Variants in CAST observed in about 807,000 individuals in gnomAD.
The protein encoded by CAST is calpastatin.
CAST carries 76 observed loss-of-function variants against 119.6 expected under a neutral mutation model. The observed-to-expected ratio is 0.64, with a 90% CI of 0.53 to 0.77. The LOEUF is 0.77. Ranked by LOEUF, CAST falls within the 30% of genes least tolerant of loss-of-function variation. The probability of loss-of-function intolerance (pLI) is 0.00; values close to 1 mark genes in which losing one functional copy is unlikely to be tolerated. For synonymous variants in CAST, 319 were observed against 331.6 expected (o/e 0.96, Z 0.41); for missense variants, 953 against 946.5 (o/e 1.01, Z -0.09).
At chr5:96,032,200 C>T in the CAST span, among the ~76,000 whole-genome samples, 1 of 152,088 alleles carries the variant, frequency 6.6e-6, no homozygotes, top group African/African-American at 2.4e-5. Flanking sequence ...CACTGAGAGC[C>T]AGCCTGGAGA....
chr5:96,238,778 A>G, the CAST span, among the ~76,000 whole-genome samples: 1 of 152,140 alleles, frequency 6.6e-6, no homozygotes, highest in African/African-American at 2.4e-5. Context: ...CCACTATTGA[A>G]GAATATTAAA....
At chr5:96,350,568 T>C in the CAST span, among the ~76,000 whole-genome samples, 2 of 152,278 alleles carry the variant, frequency 1.3e-5, no homozygotes, top group African/African-American at 2.4e-5. Context: ...AAGGGACATA[T>C]GTAGCTTTTT....
chr5:96,686,179 T>C lies in CAST; in HGVS notation c.139-9657T>C, dbSNP rs74778690. ...ATCTTTTGATTATTCCTTTTTTTTT[T>C]CACTCTTTATTTCATGACTCCTCTT... On this transcript the variant is annotated intron_variant, in intron 2 of 31. Coordinates refer to ENST00000675179, the MANE Select transcript of CAST (RefSeq NM_001750.7). Among the ~76,000 whole-genome samples, 442 of 149,632 alleles carry C rather than the reference T, an allele frequency of 3.0e-3. 3 individuals are homozygous for C. The highest frequency in any genetic ancestry group is 0.011 in the African/African-American group (430 of 40,254).
rs138628673 is a variant in CAST at position 96,674,427 on chromosome 5, A to G, written c.76-1112A>G. Reference sequence around the variant, plus strand: ...TAATAGCATTTTATATTTTGATTCAATTGAGGATGATTAGGACTGAATCCA... The same window carrying G: ...TAATAGCATTTTATATTTTGATTCAGTTGAGGATGATTAGGACTGAATCCA... On this transcript the variant is annotated intron_variant, in intron 1 of 31. Coordinates refer to ENST00000675179, the MANE Select transcript of CAST (RefSeq NM_001750.7). Among the ~76,000 whole-genome samples, 329 of 152,108 alleles carry G rather than the reference A, an allele frequency of 2.2e-3. 2 individuals carry two copies. Among genetic ancestry groups the G allele is most frequent in the Middle Eastern group, 6.8e-3 (2 of 292 alleles).
intron 2 of CAST, among the ~76,000 whole-genome samples, chr5:96,684,565 CTT>C (rs553311999): frequency 1.5e-4 from 22 of 142,466 alleles, no homozygotes; most frequent in East Asian, 2.0e-4. Context: ...GCATCACTAT[CTT>C]TTTTTTTTTT....
At chr5:96,028,012 A>G in the CAST span, among the ~76,000 whole-genome samples, 1 of 152,150 alleles carries the variant, frequency 6.6e-6, no homozygotes, top group South Asian at 2.1e-4. Context: ...GAATATTGCT[A>G]GGAAAACACA....
At chr5:96,331,213 G>C in the CAST span, among the ~76,000 whole-genome samples, 1 of 152,134 alleles carries the variant, frequency 6.6e-6, no homozygotes, top group African/African-American at 2.4e-5. Flanking sequence ...GAGGACCAGG[G>C]GAAGAGACTA....
At chr5:95,986,943 C>A in the CAST span, among the ~76,000 whole-genome samples, 1 of 152,078 alleles carries the variant, frequency 6.6e-6, no homozygotes, top group Non-Finnish European at 1.5e-5. Flanking sequence ...TCCTAAGGAC[C>A]TTTGGAGTGG....
the CAST span, among the ~76,000 whole-genome samples, chr5:96,123,885 T>C: frequency 6.6e-6 from 1 of 152,152 alleles, no homozygotes; most frequent in African/African-American, 2.4e-5. Context: ...TGCTTAGATT[T>C]TTTTTCCCCC....
intron 1 of CAST, among the ~76,000 whole-genome samples, chr5:96,656,939 T>A (rs1000032317): frequency 4.8e-5 from 6 of 123,958 alleles, no homozygotes; most frequent in Non-Finnish European, 9.2e-5. Flanking sequence ...ACACTTTTTC[T>A]TAATTAAAAA....
At chr5:96,271,244 A>T in the CAST span, among the ~76,000 whole-genome samples, 6 of 152,302 alleles carry the variant, frequency 3.9e-5, no homozygotes, top group South Asian at 1.2e-3. Flanking sequence ...AATAGTAAAA[A>T]AACAGTTCTA....
chr5:96,548,689 A>T (rs554102149), intron 1 of CAST, among the ~76,000 whole-genome samples: 32 of 152,328 alleles, frequency 2.1e-4, no homozygotes, highest in South Asian at 6.2e-4. Context: ...ATTTTCAAGG[A>T]TGCTGGTACT....
At chr5:96,381,493 G>A in the CAST span, among the ~76,000 whole-genome samples, 2 of 152,142 alleles carry the variant, frequency 1.3e-5, no homozygotes, top group African/African-American at 4.8e-5. Context: ...CCCAAGCAAG[G>A]TAATGTATTC....
At chr5:96,203,648 A>G in the CAST span, among the ~76,000 whole-genome samples, 1 of 152,034 alleles carries the variant, frequency 6.6e-6, no homozygotes, top group South Asian at 2.1e-4. Flanking sequence ...ATAGAAGAAA[A>G]TGCTAAATTT....
chr5:95,980,876 A>C, the CAST span, among the ~76,000 whole-genome samples: 1 of 152,056 alleles, frequency 6.6e-6, no homozygotes, highest in Admixed American at 6.6e-5. Flanking sequence ...AACATGCTAG[A>C]TCAGAGGCAG....
the CAST span, among the ~76,000 whole-genome samples, chr5:96,365,654 T>G: frequency 6.6e-6 from 1 of 152,190 alleles, no homozygotes; most frequent in Non-Finnish European, 1.5e-5. Flanking sequence ...AACCCCTGCC[T>G]TTTTTTGTTT....
At chr5:96,408,297 G>T in the CAST span, 1 of 1,614,034 alleles carries the variant, frequency 6.2e-7, no homozygotes, top group South Asian at 1.1e-5. Flanking sequence ...GCGTCTCCGT[G>T]CAGTCATTGT....
chr5:95,979,941 A>C, the CAST span, among the ~76,000 whole-genome samples: 1 of 152,112 alleles, frequency 6.6e-6, no homozygotes, highest in Non-Finnish European at 1.5e-5. Context: ...AACATGGTAA[A>C]GTCCTGTCTC....
chr5:96,381,599 G>T, the CAST span, among the ~76,000 whole-genome samples: 2 of 152,162 alleles, frequency 1.3e-5, no homozygotes, highest in African/African-American at 4.8e-5. Flanking sequence ...ATGTCAAAAA[G>T]AAAAACACAG....
Sources: allele counts gnomAD v4.1 joint callset (sites outside exome capture counted in the v4.1 genomes callset), GRCh38; gene constraint gnomAD v4.1.1; transcripts MANE v1.5; gene names NCBI Gene and HGNC (gene_info 2026-07-23, HGNC 2026-07-21).